Variants in RORA observed in about 807,000 individuals in gnomAD.
RORA encodes nuclear receptor ROR-alpha.
Under a neutral mutation model 69.5 loss-of-function variants are expected in RORA, and 7 were observed. The ratio of observed to expected loss-of-function variants is 0.10; its 90% CI spans 0.06 to 0.19. The LOEUF is 0.19. Ranked by LOEUF, RORA falls within the 10% of genes least tolerant of loss-of-function variation. The pLI is 1.00. For missense variants in RORA, 457 were observed against 663.0 expected, an observed-to-expected ratio of 0.69 and a Z score of 3.41; for synonymous variants, 261 against 240.8, an observed-to-expected ratio of 1.08 and a Z score of -0.78.
At chr15:60,554,593 G>A (rs1224771889) in intron 2 of RORA, among the ~76,000 whole-genome samples, 3 of 152,112 alleles carry the variant, frequency 2.0e-5, no homozygotes, top group South Asian at 4.1e-4. Context: ...TGACTTAAAA[G>A]GGCTTTAGAG....
intron 3 of RORA, chr15:60,530,550 G>A (rs369455629): frequency 1.3e-5 from 2 of 152,130 alleles, no homozygotes; most frequent in Non-Finnish European, 2.9e-5. Flanking sequence ...TGTAGTATGC[G>A]GAAATCTGAA....
At chr15:60,661,401 C>T (rs1459672052) in intron 2 of RORA, among the ~76,000 whole-genome samples, 8 of 152,288 alleles carry the variant, frequency 5.3e-5, no homozygotes, top group Middle Eastern at 3.4e-3. Flanking sequence ...TGCTATCTGC[C>T]TGGGACCTTG....
chr15:61,211,515 G>A (rs547450055), intron 1 of RORA, among the ~76,000 whole-genome samples: 8 of 152,282 alleles, frequency 5.3e-5, no homozygotes, highest in Admixed American at 1.3e-4. Flanking sequence ...ATAAAAAACA[G>A]GCTTTCCTTT....
At chr15:60,653,050 G>A (rs560780130) in intron 2 of RORA, among the ~76,000 whole-genome samples, 4 of 152,202 alleles carry the variant, frequency 2.6e-5, no homozygotes, top group Non-Finnish European at 5.9e-5. Context: ...AGCGTGATCT[G>A]AGTGACACTG....
intron 1 of RORA, among the ~76,000 whole-genome samples, chr15:60,930,330 G>A (rs1394279313): frequency 6.6e-6 from 1 of 152,140 alleles, no homozygotes; most frequent in African/African-American, 2.4e-5. Context: ...AGAGGGAGGA[G>A]CATATCCTCC....
intron 1 of RORA, among the ~76,000 whole-genome samples, chr15:60,902,929 T>A (rs1171429040): frequency 2.0e-5 from 3 of 152,224 alleles, no homozygotes; most frequent in African/African-American, 7.2e-5. Flanking sequence ...ATGCTCACGT[T>A]TATTAGCTCC....
At chr15:61,093,360 G>A (rs2078737582) in intron 1 of RORA, among the ~76,000 whole-genome samples, 1 of 152,206 alleles carries the variant, frequency 6.6e-6, no homozygotes, top group Non-Finnish European at 1.5e-5. Flanking sequence ...GCACTAAGCA[G>A]GTGTCAGGTG....
chr15:60,957,987 T>C (rs1893316975), intron 1 of RORA, among the ~76,000 whole-genome samples: 1 of 152,048 alleles, frequency 6.6e-6, no homozygotes, highest in Non-Finnish European at 1.5e-5. Flanking sequence ...CCAGGATACC[T>C]TGAAATGAGA....
intron 1 of RORA, among the ~76,000 whole-genome samples, chr15:61,006,910 C>G (rs947538996): frequency 5.3e-5 from 8 of 152,066 alleles, no homozygotes; most frequent in Admixed American, 6.5e-5. Flanking sequence ...AAAATCCTTC[C>G]TAGAATTATA....
At chr15:60,658,786 C>T (rs1002609571) in intron 2 of RORA, among the ~76,000 whole-genome samples, 12 of 152,150 alleles carry the variant, frequency 7.9e-5, no homozygotes, top group African/African-American at 2.4e-4. Flanking sequence ...AAACAGGGTC[C>T]GTTCTCCCAT....
chr15:60,947,323 G>C (rs1338332784), intron 1 of RORA, among the ~76,000 whole-genome samples: 3 of 152,240 alleles, frequency 2.0e-5, no homozygotes, highest in East Asian at 3.8e-4. Context: ...GTAGACATAG[G>C]AGACTCCATT....
intron 1 of RORA, among the ~76,000 whole-genome samples, chr15:60,709,064 A>G (rs534792630): frequency 1.4e-4 from 21 of 152,344 alleles, no homozygotes; most frequent in African/African-American, 5.1e-4. Flanking sequence ...AGAGGCCTTC[A>G]GGAAACCATT....
chr15:60,911,831 C>G (rs911012693), intron 1 of RORA, among the ~76,000 whole-genome samples: 1 of 149,682 alleles, frequency 6.7e-6, no homozygotes, highest in African/African-American at 2.5e-5. Context: ...TCCCAAATAG[C>G]TGGGATTACA....
chr15:60,572,439 C>T (rs971559107), intron 2 of RORA, among the ~76,000 whole-genome samples: 3 of 151,734 alleles, frequency 2.0e-5, no homozygotes, highest in Admixed American at 6.6e-5. Flanking sequence ...GGTTATAACC[C>T]ACAGGGTTTA....
Position 60,597,573 on chromosome 15 carries a change from T to C in RORA, c.197-65722A>G, listed in dbSNP as rs56080662. ...CAACATATATATATATATATATATA[T>C]ACACATATATATATATATATACACA... On this transcript the variant is annotated intron_variant, in intron 2 of 10. Coordinates refer to ENST00000335670, the MANE Select transcript of RORA (RefSeq NM_134261.3). Among the ~76,000 whole-genome samples the C allele has an allele frequency of 6.1e-3, 231 of 38,170 alleles. 10 individuals carry two copies. The highest frequency in any genetic ancestry group is 9.0e-3 in the African/African-American group (81 of 8,966). The allele number at this position is 38,170 out of a possible 152,430, so 25.0% of individuals were successfully genotyped here. A position where few individuals can be genotyped will look rare whatever the true frequency, so the allele number is the denominator to read the frequency against.
chr15:61,002,150 G>C (rs1286237054), intron 1 of RORA, among the ~76,000 whole-genome samples: 1 of 152,218 alleles, frequency 6.6e-6, no homozygotes, highest in African/African-American at 2.4e-5. Context: ...ATTAGTACCT[G>C]CATCTAGGAA....
At chr15:60,968,240 G>C (rs998561724) in intron 1 of RORA, among the ~76,000 whole-genome samples, 6 of 152,202 alleles carry the variant, frequency 3.9e-5, no homozygotes, top group African/African-American at 1.4e-4. Context: ...AACCTGCTGA[G>C]CTGACTCTGG....
chr15:60,701,296 AAGGT>A (rs1206274630), intron 1 of RORA, among the ~76,000 whole-genome samples: 1 of 152,224 alleles, frequency 6.6e-6, no homozygotes, highest in Non-Finnish European at 1.5e-5. Flanking sequence ...GCCTTCAGGA[AAGGT>A]ACAGCTTTAT....
At chr15:60,612,708 C>T (rs1159889258) in intron 2 of RORA, among the ~76,000 whole-genome samples, 1 of 137,298 alleles carries the variant, frequency 7.3e-6, no homozygotes, top group African/African-American at 2.6e-5. Context: ...TTTACTCTGT[C>T]CCCAGGGGTA....
Sources: allele counts gnomAD v4.1 joint callset (sites outside exome capture counted in the v4.1 genomes callset), GRCh38; gene constraint gnomAD v4.1.1; transcripts MANE v1.5; gene names NCBI Gene and HGNC (gene_info 2026-07-23, HGNC 2026-07-21).